FRMPD2: variants seen among roughly 807,000 people sequenced by gnomAD.
FRMPD2 encodes FERM and PDZ domain-containing protein 2.
A neutral mutation model predicts 140.1 loss-of-function variants in FRMPD2; 96 were observed. The observed-to-expected ratio is 0.69, with a 90% confidence interval of 0.58 to 0.81. FRMPD2 has a LOEUF of 0.81. Among genes scored for constraint, FRMPD2 ranks in the 40% least tolerant of loss-of-function variants. The pLI is 0.00. For missense variants in FRMPD2, 1,240 were observed against 1,447.4 expected (o/e 0.86, Z 2.32); for synonymous variants, 449 against 547.6 (o/e 0.82, Z 2.52).
Position 48,239,604 on chromosome 10 carries a change from C to T in FRMPD2, c.788+1G>A. 1 of 1,612,994 alleles carries T rather than the reference C, an allele frequency of 6.2e-7. No individual in the cohort carries two copies. The highest frequency in any genetic ancestry group is 8.5e-7 in the Non-Finnish European group (1 of 1,179,002). Reference sequence around the variant, plus strand: ...AGCACCCTTTAGGCCTTGCTGCTTACCGGTTAACAAGGAGGCTGCAGTGAC... The same window carrying T: ...AGCACCCTTTAGGCCTTGCTGCTTATCGGTTAACAAGGAGGCTGCAGTGAC... On this transcript the variant is annotated splice_donor_variant, in intron 7 of 28. Transcript: ENST00000374201. LOFTEE classifies it high-confidence loss of function.
At chr10:48,241,420 C>T (rs887261876) in intron 5 of FRMPD2, among the ~76,000 whole-genome samples, 1 of 152,228 alleles carries the variant, frequency 6.6e-6, no homozygotes, top group Non-Finnish European at 1.5e-5. Context: ...TATCCCAGCT[C>T]CACTCAGGTC....
chr10:48,271,051 A>T (rs1198957338), intron 1 of FRMPD2, among the ~76,000 whole-genome samples: 1 of 152,170 alleles, frequency 6.6e-6, no homozygotes, highest in African/African-American at 2.4e-5. Flanking sequence ...ACCTCGTGAA[A>T]ACTTTCAGCC....
chr10:48,187,365 C>T (rs1438275798), intron 16 of FRMPD2, 73 bp from the exon 17 acceptor site: 3 of 1,328,970 alleles, frequency 2.3e-6, no homozygotes, highest in Non-Finnish European at 3.2e-6. Context: ...TAAGGTGGCT[C>T]AGGGAGGCAA....
At position 48,238,100 on chromosome 10, in the gene FRMPD2, T is replaced by C; in HGVS notation, c.812A>G (p.Gln271Arg). The change falls in exon 8 of 29, where the codon CAG becomes CGG. Residue 271 changes from glutamine to arginine, a missense_variant. Physicochemically the swap from Gln to Arg is conservative, Grantham distance 43 (BLOSUM62 1). Around this residue, in one of 6 missense-constraint regions of FRMPD2, gnomAD observed 1,161 missense variants for 1,055.9 expected, o/e 1.10. Coordinates refer to ENST00000374201, the MANE Select transcript of FRMPD2 (RefSeq NM_001018071.4). ...VNRALPGADP[Q>R]DQQAGRRLSS... ...GAGCCTCCGGCCCGCCTGCTGGTCC[T>C]GGGGATCTGCTCCTGGAAGAGCGCT... 2 of 1,612,586 alleles carry C rather than the reference T, an allele frequency of 1.2e-6. No individual in the cohort carries two copies. The highest frequency in any genetic ancestry group is 1.7e-6 in the Non-Finnish European group (2 of 1,180,024).
chr10:48,232,912 G>A (rs758536399), intron 9 of FRMPD2, among the ~76,000 whole-genome samples: 9 of 152,058 alleles, frequency 5.9e-5, no homozygotes, highest in Non-Finnish European at 8.8e-5. Flanking sequence ...TCAGCCTCCT[G>A]GATAGTTCAT....
At chr10:48,211,247 G>A (rs895500843) in intron 13 of FRMPD2, among the ~76,000 whole-genome samples, 3 of 152,214 alleles carry the variant, frequency 2.0e-5, no homozygotes, top group Admixed American at 6.5e-5. Flanking sequence ...GTGCCCACAC[G>A]GGGAGACTGC....
chr10:48,181,397 CAG>C (rs1283089161), intron 20 of FRMPD2, among the ~76,000 whole-genome samples: 1 of 152,174 alleles, frequency 6.6e-6, no homozygotes, highest in East Asian at 1.9e-4. Context: ...CATGAGAAAA[CAG>C]AGTCAAAGCT....
chr10:48,260,059 T>C (rs1330084749), intron 1 of FRMPD2, among the ~76,000 whole-genome samples: 2 of 151,804 alleles, frequency 1.3e-5, no homozygotes, highest in Non-Finnish European at 2.9e-5. Flanking sequence ...TTACAAAAGG[T>C]ATAACATATG....
intron 28 of FRMPD2, among the ~76,000 whole-genome samples, chr10:48,158,228 A>T (rs1795705537): frequency 6.7e-6 from 1 of 148,760 alleles, no homozygotes; most frequent in African/African-American, 2.5e-5. Context: ...GTCCAGGGGG[A>T]CTTGGTGGTC....
chr10:48,250,431 G>T (rs953202947), intron 2 of FRMPD2, among the ~76,000 whole-genome samples: 1 of 152,046 alleles, frequency 6.6e-6, no homozygotes, highest in Non-Finnish European at 1.5e-5. Flanking sequence ...AGAGTTTCGC[G>T]CTCTTGTCAC....
intron 28 of FRMPD2, among the ~76,000 whole-genome samples, chr10:48,160,518 G>A (rs1312971484): frequency 3.1e-5 from 4 of 127,204 alleles, no homozygotes; most frequent in South Asian, 2.4e-4. Flanking sequence ...CACCCTGAGC[G>A]TGCTATTTCT....
intron 12 of FRMPD2, among the ~76,000 whole-genome samples, chr10:48,218,304 A>T (rs1839500005): frequency 6.6e-6 from 1 of 152,214 alleles, no homozygotes; most frequent in South Asian, 2.1e-4. Context: ...TCAGCCTATA[A>T]CATAAGGCCA....
chr10:48,264,439 A>G (rs142428754), intron 1 of FRMPD2, among the ~76,000 whole-genome samples: 28 of 152,278 alleles, frequency 1.8e-4, no homozygotes, highest in African/African-American at 6.0e-4. Context: ...TTGCAGGACA[A>G]AAGGCTAATA....
intron 21 of FRMPD2, among the ~76,000 whole-genome samples, chr10:48,180,184 C>A (rs1838507609): frequency 6.6e-6 from 1 of 152,180 alleles, no homozygotes; most frequent in African/African-American, 2.4e-5. Context: ...CAGAACCAAG[C>A]AGAACACAGC....
At chr10:48,185,992 T>C (rs1393166136) in intron 17 of FRMPD2, among the ~76,000 whole-genome samples, 3 of 152,214 alleles carry the variant, frequency 2.0e-5, no homozygotes. Context: ...TGAGCAGAGA[T>C]GTATTAATAA....
intron 2 of FRMPD2, among the ~76,000 whole-genome samples, chr10:48,250,325 G>A (rs776639454): frequency 6.6e-6 from 1 of 152,222 alleles, no homozygotes; most frequent in Non-Finnish European, 1.5e-5. Context: ...AAACAGGGAA[G>A]GGGGCTTCCC....
chr10:48,197,281 C>G (rs1838977305), intron 15 of FRMPD2, among the ~76,000 whole-genome samples: 1 of 152,138 alleles, frequency 6.6e-6, no homozygotes, highest in Middle Eastern at 3.2e-3. Flanking sequence ...GCAGGAGCCA[C>G]CATTACTACT....
chr10:48,214,707 C>T (rs17011052), intron 12 of FRMPD2, among the ~76,000 whole-genome samples: 5,233 of 152,172 alleles, frequency 0.034, 112 homozygotes, highest in Non-Finnish European at 0.042. Context: ...AAAAGCTCTG[C>T]GGTCAAGTAC....
intron 26 of FRMPD2, among the ~76,000 whole-genome samples, chr10:48,170,759 G>A (rs1374575841): frequency 2.0e-5 from 3 of 151,458 alleles, no homozygotes; most frequent in African/African-American, 7.3e-5. Context: ...TTTATCTTCA[G>A]CTTCTCTCAT....
Sources: allele counts gnomAD v4.1 joint callset (sites outside exome capture counted in the v4.1 genomes callset), GRCh38; gene constraint gnomAD v4.1.1; regional missense constraint gnomAD v4.1.1; transcripts MANE v1.5; gene names NCBI Gene and HGNC (gene_info 2026-07-23, HGNC 2026-07-21).